The following FAM221A variants were observed in gnomAD, a reference collection of about 807,000 sequenced individuals.
FAM221A encodes the protein family with sequence similarity 221 member A.
A neutral mutation model predicts 37.6 loss-of-function variants in FAM221A; 43 were observed. The observed-to-expected ratio is 1.15, with a 90% confidence interval of 0.90 to 1.48. The LOEUF is 1.48. Ranked by LOEUF, FAM221A falls within the 40% of genes most tolerant of loss-of-function variation. FAM221A has a pLI of 0.00. For synonymous variants in FAM221A, 135 were observed against 132.9 expected (o/e 1.02, Z -0.11); for missense variants, 361 against 361.5 (o/e 1.00, Z 0.01).
intron 1 of FAM221A, among the ~76,000 whole-genome samples, chr7:23,683,873 C>G (rs543698722): frequency 6.6e-6 from 1 of 152,060 alleles, no homozygotes; most frequent in Admixed American, 6.6e-5. Flanking sequence ...TGGAAGATAT[C>G]GCCAGACCAA....
At chr7:23,680,421 A>T in intron 1 of FAM221A, 138 bp downstream of exon 1, 2 of 652,966 alleles carry the variant, frequency 3.1e-6, no homozygotes, top group Non-Finnish European at 5.2e-6. Context: ...GGAGGCCTAG[A>T]TGAATTCCAG....
At chr7:23,694,640 A>G (rs894726901) in intron 4 of FAM221A, 1 of 152,232 alleles carries the variant, frequency 6.6e-6, no homozygotes, top group Admixed American at 6.5e-5. Flanking sequence ...CCTATTTTAC[A>G]GATGAGGATA....
intron 3 of FAM221A, among the ~76,000 whole-genome samples, chr7:23,690,186 TA>T (rs1445528602): frequency 7.3e-5 from 4 of 54,704 alleles, no homozygotes; most frequent in Non-Finnish European, 8.0e-5. Context: ...TATATATATA[TA>T]TATATATATA....
intron 5 of FAM221A, among the ~76,000 whole-genome samples, chr7:23,699,291 A>G (rs1406363932): frequency 2.7e-5 from 3 of 109,842 alleles, no homozygotes; most frequent in Non-Finnish European, 5.5e-5. Flanking sequence ...AATTAAAAAA[A>G]CTTTTTTTTT....
intron 1 of FAM221A, 30 bp downstream of exon 1, chr7:23,680,313 C>G: frequency 6.6e-7 from 1 of 1,508,920 alleles, no homozygotes; most frequent in Non-Finnish European, 8.9e-7. Flanking sequence ...CCTGCCCCCC[C>G]GCCGCTCCGA....
chr7:23,689,394 T>G lies in FAM221A; in HGVS notation c.365T>G (p.Ile122Ser), dbSNP rs1280260333. ...LYVPLNGSQP[I>S]RCRCKHFADQ... The stretch of plus-strand genomic sequence containing the variant: ...GTCCCCTTGAATGGTAGCCAGCCCA[T>G]TCGCTGCAGGTGCAAACACTTTGCT... Residue 122 changes from isoleucine (I) to serine (S), a missense_variant, in exon 3 of 7, where the codon ATT (isoleucine) becomes AGT (serine). Transcript: ENST00000344962. The G allele has an allele frequency of 5.0e-6, 8 of 1,607,526 alleles. No individual in the cohort carries two copies. Among genetic ancestry groups the G allele is most frequent in the Non-Finnish European group, 6.0e-6 (7 of 1,175,034 alleles).
intron 5 of FAM221A, among the ~76,000 whole-genome samples, chr7:23,699,392 A>T (rs117037468): frequency 1.3e-5 from 2 of 151,790 alleles, no homozygotes; most frequent in African/African-American, 4.8e-5. Flanking sequence ...AAGCACTAGG[A>T]TTATAGCTAT....
rs1408563560 is a variant in FAM221A, at chr7:23,686,337, C to T, written c.239+1665C>T. The T allele has an allele frequency of 9.5e-6, 4 of 421,218 alleles. No homozygotes were observed. The Admixed American group carries it at 1.1e-4, about 11-fold the overall frequency. The allele number at this position is 421,218 out of a possible 1,614,324, so 26.1% of individuals were successfully genotyped here. A position where few individuals can be genotyped will look rare whatever the true frequency, so the allele number is the denominator to read the frequency against. On this transcript the variant is annotated intron_variant, in intron 2 of 6. Coordinates refer to ENST00000344962, the MANE Select transcript of FAM221A (RefSeq NM_199136.5). ...GGAGTGCAGTGGCACGATCTTGGCTCATTGCAGCCTCGACCTCCTGGGCTC... is the reference window on the plus strand; with the variant it reads ...GGAGTGCAGTGGCACGATCTTGGCTTATTGCAGCCTCGACCTCCTGGGCTC...
rs1456955336 is a variant in FAM221A, at chr7:23,688,642, T to C, written c.240-627T>C. ...TTGGTAAAGAACTTTTTCTTTTCTT[T>C]TTTTTTTTTTTGAGATGGAGTTTCG... is the stretch of plus-strand genomic sequence containing the variant. On this transcript the variant is annotated intron_variant, in intron 2 of 6. Transcript: ENST00000344962. The C allele has an allele frequency of 5.3e-5, 8 of 150,766 alleles. 1 individual carries two copies. In the East Asian group the frequency reaches 1.5e-3, roughly 29 times the overall value. 9.3% of individuals were successfully genotyped at this position (150,766 alleles called of 1,614,324 possible). A position where few individuals can be genotyped will look rare whatever the true frequency, so the allele number is the denominator to read the frequency against.
intron 3 of FAM221A, among the ~76,000 whole-genome samples, chr7:23,690,199 A>ATATATATATATATATT (rs774313037): frequency 1.0e-3 from 51 of 48,704 alleles, no homozygotes; most frequent in Non-Finnish European, 1.5e-3. Flanking sequence ...ATATATATAT[A>ATATATATATATATATT]TTTTTTTTTT....
At chr7:23,689,143 C>T (rs1784553560) in intron 2 of FAM221A, 126 bp from the exon 3 acceptor site, 1 of 599,348 alleles carries the variant, frequency 1.7e-6, no homozygotes, top group Non-Finnish European at 2.7e-6. Flanking sequence ...TTATTTTCAC[C>T]TTACTATGAA....
chr7:23,688,419 A>G (rs1784497446), intron 2 of FAM221A: 1 of 152,326 alleles, frequency 6.6e-6, no homozygotes, highest in South Asian at 2.1e-4. Context: ...CACCTATGAG[A>G]AGAAAGTGAG....
Position 23,684,576 on chromosome 7 carries a change from T to C in FAM221A, c.143T>C (p.Leu48Pro). 6.2e-7 allele frequency: 1 copy of C among 1,614,188 alleles called. No homozygotes were observed. The highest frequency in any genetic ancestry group is 8.5e-7 in the Non-Finnish European group (1 of 1,180,012). ...GAATACAAAAGAAAAGTTTTACCTC[T>C]GCGCTTACAAAACAGATTATTTGTG... Reference protein sequence around the residue: ...YEEYKRKVLPLRLQNRLFVSW... With the variant: ...YEEYKRKVLPPRLQNRLFVSW... Residue 48 changes from leucine to proline, a missense_variant, in exon 2 of 7, where the codon CTG becomes CCG. By Grantham distance (98) the Leu-to-Pro change is moderately conservative. Coordinates refer to ENST00000344962, the MANE Select transcript of FAM221A (RefSeq NM_199136.5).
At position 23,702,172 on chromosome 7, in the gene FAM221A, T is replaced by C. The variant is rs1249694811; in HGVS notation, c.*8T>C. ...GCTACAAAACCTTCATGAAGACTAT[T>C]GGAGAAATTAAAACCATCATCCAAG... is the stretch of plus-strand genomic sequence containing the variant. On this transcript the variant is annotated 3_prime_UTR_variant, in exon 7 of 7. Coordinates refer to ENST00000344962, the MANE Select transcript of FAM221A (RefSeq NM_199136.5). 6.4e-7 allele frequency: 1 copy of C among 1,560,072 alleles called. No homozygotes were observed. Among genetic ancestry groups the C allele is most frequent in the Non-Finnish European group, 8.7e-7 (1 of 1,147,294 alleles).
At chr7:23,695,639 C>G (rs1785011405) in intron 4 of FAM221A, among the ~76,000 whole-genome samples, 1 of 152,176 alleles carries the variant, frequency 6.6e-6, no homozygotes, top group Non-Finnish European at 1.5e-5. Context: ...TCCCAAAGAG[C>G]TGGGATTACA....
At chr7:23,701,163 C>A (rs1785402484) in intron 6 of FAM221A, among the ~76,000 whole-genome samples, 1 of 146,020 alleles carries the variant, frequency 6.8e-6, no homozygotes, top group Non-Finnish European at 1.5e-5. Flanking sequence ...ATCTTGAATT[C>A]TTTTTTTATA....
At chr7:23,683,674 C>G (rs1193621455) in intron 1 of FAM221A, among the ~76,000 whole-genome samples, 1 of 152,096 alleles carries the variant, frequency 6.6e-6, no homozygotes, top group Admixed American at 6.6e-5. Context: ...ATTTATAACC[C>G]TCTTATATAG....
intron 4 of FAM221A, among the ~76,000 whole-genome samples, chr7:23,691,935 T>C (rs936476102): frequency 1.3e-5 from 2 of 152,206 alleles, no homozygotes; most frequent in African/African-American, 4.8e-5. Context: ...ATAATATTTA[T>C]TTTATTTGAT....
intron 3 of FAM221A, among the ~76,000 whole-genome samples, chr7:23,690,328 C>T (rs1182196018): frequency 6.6e-6 from 1 of 151,150 alleles, no homozygotes; most frequent in East Asian, 2.0e-4. Flanking sequence ...CCTCAGCCTC[C>T]CAAGTAGCTG....
Sources: gnomAD v4.1 joint callset for allele counts (sites outside exome capture counted in the v4.1 genomes callset) on GRCh38, gnomAD v4.1.1 for gene constraint, MANE v1.5 for transcripts, NCBI Gene and HGNC (gene_info 2026-07-23, HGNC 2026-07-21) for gene names.